DNAH10: variants seen among roughly 807,000 people sequenced by gnomAD.
DNAH10 encodes the protein axonemal beta dynein heavy chain 10.
DNAH10 carries 348 observed loss-of-function variants against 506.6 expected under a neutral mutation model. The observed-to-expected ratio is 0.69, with a 90% confidence interval of 0.63 to 0.75. The LOEUF (loss-of-function observed/expected upper bound fraction) is 0.75, where lower values mean the gene tolerates loss of function less well. Ranked by LOEUF, DNAH10 falls within the 30% of genes least tolerant of loss-of-function variation. The pLI, the probability that DNAH10 is intolerant of heterozygous loss-of-function variation, is 0.00. For missense variants in DNAH10, 5,179 were observed against 5,787.1 expected, an observed-to-expected ratio of 0.89 and a Z score of 3.41; for synonymous variants, 2,059 against 2,198.6, an observed-to-expected ratio of 0.94 and a Z score of 1.78.
Position 123,845,728 on chromosome 12 carries a change from G to T in DNAH10, c.5489G>T (p.Gly1830Val). Residue 1830 changes from glycine (G) to valine (V), a missense_variant, in exon 31 of 79, where the codon GGC becomes GTC. Physicochemically the swap from Gly to Val is moderately radical, Grantham distance 109. Transcript: ENST00000673944. ...KGEKQAMKNY[G>V]RKMHRQIDEL... is the part of the protein sequence containing the mutation. ...GAGAAGCAGGCCATGAAGAACTATG[G>T]CAGGAAAATGCACCGGCAGATCGAT... 1 of 1,613,934 alleles carries T rather than the reference G, an allele frequency of 6.2e-7. No homozygotes were observed. Among genetic ancestry groups the T allele is most frequent in the Non-Finnish European group, 8.5e-7 (1 of 1,179,894 alleles).
intron 38 of DNAH10, among the ~76,000 whole-genome samples, chr12:123,860,059 T>G (rs1951557094): frequency 6.6e-6 from 1 of 150,536 alleles, no homozygotes; most frequent in African/African-American, 2.4e-5. Context: ...GAGTATGTCA[T>G]AAAAGCCTGC....
chr12:123,871,468 G>T lies in DNAH10; in HGVS notation c.7651G>T (p.Asp2551Tyr). The T allele has an allele frequency of 6.3e-7, 1 of 1,586,202 alleles. No homozygotes were observed. The highest frequency in any genetic ancestry group is 1.2e-5 in the South Asian group (1 of 86,888). ...KFINILVHTV[D>Y]TTRTTWILEQ... ...AATGTCTACTTTAGTTCACACAGTG[G>T]ATACCACTCGGACTACCTGGATATT... The change falls in exon 45 of 79, where the codon GAT (aspartate) becomes TAT (tyrosine). Residue 2551 changes from aspartate to tyrosine, a missense_variant. By Grantham distance (160) the Asp-to-Tyr change is radical (BLOSUM62 -3). Around this residue, in one of 3 missense-constraint regions of DNAH10, gnomAD observed 4,844 missense variants for 5,430.5 expected, o/e 0.89. Transcript: ENST00000673944.
rs1566103463 is a variant in DNAH10 at position 123,918,751 on chromosome 12, G to A, written c.11308G>A (p.Ala3770Thr). 3.1e-6 allele frequency: 5 copies of A among 1,608,124 alleles called. No homozygotes were observed. The highest frequency in any genetic ancestry group is 4.3e-6 in the Non-Finnish European group (5 of 1,175,430). The change falls in exon 65 of 79, where the codon GCC becomes ACC. Residue 3770 changes from alanine (A) to threonine (T), a missense_variant. Ala to Thr is a moderately conservative substitution (Grantham distance 58). Transcript: ENST00000673944. Reference sequence around the variant, plus strand: ...GCTGCGGGATGGCTACCGGCCAGCAGCCAGGAGGGGGGCCATCCTGTTCTT... The same window carrying A: ...GCTGCGGGATGGCTACCGGCCAGCAACCAGGAGGGGGGCCATCCTGTTCTT... ...DRLRDGYRPA[A>T]RRGAILFFVL...
chr12:123,860,240 GAGTA>G lies in DNAH10; in HGVS notation c.6750-768_6750-765del, dbSNP rs562750137. Among the ~76,000 whole-genome samples the G allele has an allele frequency of 4.9e-3, 750 of 152,302 alleles. 3 individuals are homozygous for G. Among genetic ancestry groups the G allele is most frequent in the Non-Finnish European group, 8.4e-3 (571 of 68,030 alleles). On this transcript the variant is annotated intron_variant, in intron 38 of 78. Coordinates refer to ENST00000673944, the MANE Select transcript of DNAH10 (RefSeq NM_001372106.1). Reference sequence around the variant, plus strand: ...TTCTAGGCAGTCTATAAAATCTAAAGAGTAAGTGTCTGTCATATGTTCCCATTAT... The same window carrying G: ...TTCTAGGCAGTCTATAAAATCTAAAGAGTGTCTGTCATATGTTCCCATTAT...
chr12:123,784,067 G>T lies in DNAH10; in HGVS notation c.1120G>T (p.Asp374Tyr). ...RKVLDVIKES[D>Y]SMLVANLQPV... ...AGTCTTGGATGTGATCAAGGAATCC[G>T]ACTCCATGCTTGTGGCTAATCTGCA... Residue 374 changes from aspartate (D) to tyrosine (Y), a missense_variant, in exon 8 of 79, where the codon GAC (aspartate) becomes TAC (tyrosine). Physicochemically the swap from Asp to Tyr is radical, Grantham distance 160. Transcript: ENST00000673944. The T allele has an allele frequency of 4.3e-6, 7 of 1,614,186 alleles. No homozygotes were observed. Among genetic ancestry groups the T allele is most frequent in the Non-Finnish European group, 5.9e-6 (7 of 1,180,026 alleles).
In DNAH10 at chr12:123,918,761, G is replaced by A; in HGVS notation, c.11318G>A (p.Gly3773Glu). Residue 3773 changes from glycine (G) to glutamate (E), a missense_variant, in exon 65 of 79, where the codon GGG becomes GAG. By Grantham distance (98) the Gly-to-Glu change is moderately conservative (BLOSUM62 -2). This residue lies in a region of DNAH10 where 4,844 missense variants were observed against 5,430.5 expected (regional missense o/e 0.89). Coordinates refer to ENST00000673944, the MANE Select transcript of DNAH10 (RefSeq NM_001372106.1). ...GGCTACCGGCCAGCAGCCAGGAGGG[G>A]GGCCATCCTGTTCTTCGTCCTGTCT... Reference protein sequence around the residue: ...RDGYRPAARRGAILFFVLSEM... With the variant: ...RDGYRPAARREAILFFVLSEM... The A allele has an allele frequency of 6.2e-7, 1 of 1,611,030 alleles. No individual in the cohort carries two copies. Among genetic ancestry groups the A allele is most frequent in the Non-Finnish European group, 8.5e-7 (1 of 1,177,778 alleles).
intron 5 of DNAH10, among the ~76,000 whole-genome samples, chr12:123,774,512 G>A (rs931403706): frequency 2.6e-5 from 4 of 151,994 alleles, no homozygotes; most frequent in Non-Finnish European, 5.9e-5. Context: ...GCTGAGAGCC[G>A]CAAACAGAGA....
chr12:123,810,547 G>T (rs977818975), intron 19 of DNAH10, among the ~76,000 whole-genome samples: 1 of 152,130 alleles, frequency 6.6e-6, no homozygotes, highest in African/African-American at 2.4e-5. Context: ...CACAAAATTA[G>T]CTGGGCGTGG....
intron 52 of DNAH10, among the ~76,000 whole-genome samples, chr12:123,890,947 T>C (rs1952955234): frequency 6.6e-6 from 1 of 152,114 alleles, no homozygotes; most frequent in African/African-American, 2.4e-5. Flanking sequence ...TAGATGAGAA[T>C]CTGAATGTGA....
In DNAH10 at chr12:123,811,715, G is replaced by C. The variant is rs143945664; in HGVS notation, c.3145-1449G>C. Among the ~76,000 whole-genome samples the C allele has an allele frequency of 6.9e-3, 1,046 of 152,238 alleles. 7 individuals are homozygous for C. The highest frequency in any genetic ancestry group is 9.8e-3 in the Non-Finnish European group (670 of 68,036). ...AGTTGGGGTTTCACCATGTTAGCCA[G>C]GATGGTCTCAATCTCCTGACCTTGT... On this transcript the variant is annotated intron_variant, in intron 19 of 78. Coordinates refer to ENST00000673944, the MANE Select transcript of DNAH10 (RefSeq NM_001372106.1).
At position 123,762,567 on chromosome 12, in the gene DNAH10, C is replaced by T. The variant is rs1956865194; in HGVS notation, c.214+17C>T. ...TGGAGATTGGTGAGCCTCGACGCGC[C>T]GCTCCCTTCCCCGGGCTTCCCTCCT... On this transcript the variant is annotated intron_variant, in intron 1 of 78. Transcript: ENST00000673944. The surrounding 1 kb of genome is among the most constrained non-coding windows in gnomAD (Gnocchi z 5.0). 3 of 1,540,764 alleles carry T rather than the reference C, an allele frequency of 1.9e-6. No individual in the cohort carries two copies. The highest frequency in any genetic ancestry group is 8.7e-7 in the Non-Finnish European group (1 of 1,144,238).
At chr12:123,780,224 T>G (rs1957594997) in intron 5 of DNAH10, among the ~76,000 whole-genome samples, 2 of 144,090 alleles carry the variant, frequency 1.4e-5, no homozygotes, top group Admixed American at 7.2e-5. Context: ...TGGAGTGCAG[T>G]GGTGCGATCT....
chr12:123,813,218 G>A lies in DNAH10; in HGVS notation c.3199G>A (p.Glu1067Lys). 6.2e-7 allele frequency: 1 copy of A among 1,613,826 alleles called. No homozygotes were observed. Among genetic ancestry groups the A allele is most frequent in the East Asian group, 2.2e-5 (1 of 44,894 alleles). The stretch of plus-strand genomic sequence containing the variant: ...CATAGAATGCCCACCTCAGAAGGGG[G>A]AGGAAGAGGAAGTTGTTATAATAAA... The part of the protein sequence containing the change: ...SCIECPPQKG[E>K]EEEVVIINFY... The change falls in exon 20 of 79, where the codon GAG becomes AAG. Residue 1067 changes from glutamate to lysine, a missense_variant. Glu to Lys is a moderately conservative substitution (Grantham distance 56). Coordinates refer to ENST00000673944, the MANE Select transcript of DNAH10 (RefSeq NM_001372106.1).
chr12:123,865,214 A>G (rs1219960361), intron 40 of DNAH10, among the ~76,000 whole-genome samples: 1 of 152,128 alleles, frequency 6.6e-6, no homozygotes, highest in Non-Finnish European at 1.5e-5. Context: ...TAGAGTTTGT[A>G]ATTGCCTTCC....
intron 26 of DNAH10, among the ~76,000 whole-genome samples, chr12:123,832,022 A>G (rs945436694): frequency 1.3e-5 from 2 of 152,206 alleles, no homozygotes; most frequent in African/African-American, 4.8e-5. Flanking sequence ...ATGACTGTAC[A>G]TAGTACACCA....
chr12:123,892,733 G>T (rs541927354), intron 52 of DNAH10, among the ~76,000 whole-genome samples: 2 of 152,342 alleles, frequency 1.3e-5, no homozygotes, highest in South Asian at 2.1e-4. Context: ...CGTAGCCAGG[G>T]TTTCTCGACT....
In DNAH10 at chr12:123,861,177, A is replaced by G. The variant is rs1371797356; in HGVS notation, c.6908+7A>G. 2 of 1,613,536 alleles carry G rather than the reference A, an allele frequency of 1.2e-6. No individual in the cohort carries two copies. The highest frequency in any genetic ancestry group is 4.5e-5 in the East Asian group (2 of 44,884). ...CAGACAAGAAGGAGCGAAAGTGAGTATCTTTGTAGGTAGGAAAGAGCCTGG... is the reference window on the plus strand; with the variant it reads ...CAGACAAGAAGGAGCGAAAGTGAGTGTCTTTGTAGGTAGGAAAGAGCCTGG... On this transcript the variant is annotated splice_region_variant and intron_variant, in intron 39 of 78. Coordinates refer to ENST00000673944, the MANE Select transcript of DNAH10 (RefSeq NM_001372106.1).
chr12:123,881,438 A>G (rs1439725272), intron 50 of DNAH10, among the ~76,000 whole-genome samples, 187 bp from the exon 51 acceptor site: 3 of 152,164 alleles, frequency 2.0e-5, no homozygotes, highest in Non-Finnish European at 2.9e-5. Context: ...TTTTGGCTGC[A>G]TAAATGTCTT....
Position 123,769,426 on chromosome 12 carries a change from C to T in DNAH10, c.298+1737C>T, listed in dbSNP as rs1190405185. On this transcript the variant is annotated intron_variant, in intron 2 of 78. Coordinates refer to ENST00000673944, the MANE Select transcript of DNAH10 (RefSeq NM_001372106.1). ...TCCTGACCTCAGGTGATCCACCCAC[C>T]TCGGCCTCCCAAAGTGTTGGGATTA... Among the ~76,000 whole-genome samples, 3 of 152,288 alleles carry T rather than the reference C, an allele frequency of 2.0e-5. No homozygotes were observed. In the East Asian group the frequency reaches 5.8e-4, roughly 29 times the overall value.
Sources: allele counts gnomAD v4.1 joint callset (sites outside exome capture counted in the v4.1 genomes callset), GRCh38; gene constraint gnomAD v4.1.1; regional missense constraint gnomAD v4.1.1; non-coding constraint Gnocchi (gnomAD v3.1); transcripts MANE v1.5; gene names NCBI Gene and HGNC (gene_info 2026-07-23, HGNC 2026-07-21).